The following ELMO1 variants were observed in gnomAD, a reference collection of about 807,000 sequenced individuals.
ELMO1 encodes engulfment and cell motility protein 1.
ELMO1 carries 26 observed loss-of-function variants against 98.9 expected under a neutral mutation model. That is an observed-to-expected ratio of 0.26 (90% CI 0.19 to 0.36). The LOEUF (loss-of-function observed/expected upper bound fraction) is 0.36, where lower values mean the gene tolerates loss of function less well. ELMO1 is among the 10% of genes least tolerant of loss of function. ELMO1 has a pLI of 1.00. For missense variants in ELMO1, 627 were observed against 935.2 expected, an observed-to-expected ratio of 0.67 and a Z score of 4.30; for synonymous variants, 346 against 346.0, an observed-to-expected ratio of 1.00 and a Z score of 0.00.
chr7:36,859,207 A>T (rs1172990579), intron 21 of ELMO1, among the ~76,000 whole-genome samples: 2 of 152,200 alleles, frequency 1.3e-5, no homozygotes, highest in African/African-American at 4.8e-5. Flanking sequence ...CAAAGTATGA[A>T]AGAAAAAAAC....
intron 16 of ELMO1, among the ~76,000 whole-genome samples, chr7:36,998,911 T>C (rs114161489): frequency 0.012 from 1,887 of 151,972 alleles, 27 homozygotes; most frequent in South Asian, 0.03. Flanking sequence ...CACAGGTGAA[T>C]AGGGGGTTGA....
intron 15 of ELMO1, among the ~76,000 whole-genome samples, chr7:37,039,535 GC>G (rs1190720017): frequency 1.3e-5 from 2 of 152,200 alleles, no homozygotes; most frequent in African/African-American, 4.8e-5. Context: ...TGCTGAGAGG[GC>G]AGTTTGGACT....
At chr7:37,439,937 T>C (rs1805322812) in intron 1 of ELMO1, among the ~76,000 whole-genome samples, 1 of 152,214 alleles carries the variant, frequency 6.6e-6, no homozygotes, top group Non-Finnish European at 1.5e-5. Context: ...CTGATATAAT[T>C]GTTTCTTTGC....
intron 13 of ELMO1, among the ~76,000 whole-genome samples, chr7:37,180,602 G>C (rs1359870322): frequency 6.6e-6 from 1 of 152,140 alleles, no homozygotes; most frequent in East Asian, 1.9e-4. Context: ...TGAATTTTGA[G>C]TCATGACTGT....
chr7:36,895,250 G>T (rs750467224), intron 16 of ELMO1, among the ~76,000 whole-genome samples: 16 of 152,212 alleles, frequency 1.1e-4, no homozygotes, highest in Non-Finnish European at 2.2e-4. Context: ...AACTGGTGGG[G>T]TGGGGAAGCT....
intron 16 of ELMO1, among the ~76,000 whole-genome samples, chr7:36,979,984 T>G (rs1584471528): frequency 6.6e-6 from 1 of 152,310 alleles, no homozygotes; most frequent in East Asian, 1.9e-4. Context: ...AAACTTTATT[T>G]CATTATACTT....
chr7:37,052,874 C>T (rs902147714), intron 15 of ELMO1, among the ~76,000 whole-genome samples: 1 of 152,070 alleles, frequency 6.6e-6, no homozygotes, highest in Admixed American at 6.6e-5. Flanking sequence ...GAGCACCAAC[C>T]CCCCAGGTCG....
intron 13 of ELMO1, among the ~76,000 whole-genome samples, chr7:37,150,374 T>C (rs1453911622): frequency 6.6e-6 from 1 of 151,786 alleles, no homozygotes; most frequent in African/African-American, 2.4e-5. Flanking sequence ...CTTGCCCACA[T>C]TCACACAATC....
At chr7:36,904,388 G>C (rs1352766185) in intron 16 of ELMO1, among the ~76,000 whole-genome samples, 2 of 152,210 alleles carry the variant, frequency 1.3e-5, no homozygotes, top group Middle Eastern at 3.2e-3. Context: ...TGGATGGCAG[G>C]GGATAGCGGT....
chr7:37,318,348 A>C (rs909761456), intron 2 of ELMO1, among the ~76,000 whole-genome samples: 2 of 152,194 alleles, frequency 1.3e-5, no homozygotes, highest in Non-Finnish European at 2.9e-5. Context: ...ACCCTCAAAA[A>C]TGAAACATAA....
intron 4 of ELMO1, among the ~76,000 whole-genome samples, chr7:37,272,691 A>C (rs1447984611): frequency 6.6e-6 from 1 of 152,138 alleles, no homozygotes; most frequent in Non-Finnish European, 1.5e-5. Context: ...AAAAAAAAAA[A>C]AAAAGGAATT....
At chr7:37,373,110 T>C (rs182483971) in intron 1 of ELMO1, among the ~76,000 whole-genome samples, 1 of 152,276 alleles carries the variant, frequency 6.6e-6, no homozygotes, top group African/African-American at 2.4e-5. Flanking sequence ...GAGTCAGCAT[T>C]TCATGGTGCA....
chr7:37,413,182 T>G (rs1218274403), intron 1 of ELMO1, among the ~76,000 whole-genome samples: 3 of 152,072 alleles, frequency 2.0e-5, no homozygotes, highest in African/African-American at 2.4e-5. Context: ...AGGCTCAAGA[T>G]TCTTAATACT....
intron 13 of ELMO1, among the ~76,000 whole-genome samples, chr7:37,139,959 A>G (rs571488341): frequency 4.6e-5 from 7 of 152,334 alleles, no homozygotes; most frequent in African/African-American, 1.7e-4. Flanking sequence ...AAAAAAATAA[A>G]GTGGGAAAAG....
chr7:37,124,905 C>G (rs1306853374), intron 14 of ELMO1, among the ~76,000 whole-genome samples: 1 of 152,156 alleles, frequency 6.6e-6, no homozygotes, highest in Non-Finnish European at 1.5e-5. Context: ...GCTACAGTAA[C>G]CAAAACAGCA....
At chr7:37,033,759 AATTG>A (rs1479644642) in intron 15 of ELMO1, among the ~76,000 whole-genome samples, 1 of 152,206 alleles carries the variant, frequency 6.6e-6, no homozygotes, top group Non-Finnish European at 1.5e-5. Context: ...AGATCATCAG[AATTG>A]ATCCCTAAAG....
intron 16 of ELMO1, among the ~76,000 whole-genome samples, chr7:36,992,163 C>A (rs1278598358): frequency 6.6e-6 from 1 of 152,210 alleles, no homozygotes; most frequent in African/African-American, 2.4e-5. Context: ...CCAGGATCCA[C>A]AAAATGCATA....
intron 16 of ELMO1, among the ~76,000 whole-genome samples, chr7:36,977,644 G>T (rs1457946663): frequency 6.6e-6 from 1 of 152,202 alleles, no homozygotes; most frequent in Non-Finnish European, 1.5e-5. Context: ...CTTGGAGGTT[G>T]CTTTGTGAAA....
At chr7:36,972,557 T>C (rs1014994083) in intron 16 of ELMO1, among the ~76,000 whole-genome samples, 1 of 152,210 alleles carries the variant, frequency 6.6e-6, no homozygotes, top group Admixed American at 6.5e-5. Flanking sequence ...CCTTGGCCTG[T>C]AGATGACTGT....
Sources: gnomAD v4.1 joint callset for allele counts (sites outside exome capture counted in the v4.1 genomes callset) on GRCh38, gnomAD v4.1.1 for gene constraint, MANE v1.5 for transcripts, NCBI Gene and HGNC (gene_info 2026-07-23, HGNC 2026-07-21) for gene names.